STK3: variants seen among roughly 807,000 people sequenced by gnomAD.
STK3 encodes serine/threonine-protein kinase 3.
Under a neutral mutation model 58.0 loss-of-function variants are expected in STK3, and 41 were observed. That is an observed-to-expected ratio of 0.71 (90% confidence interval 0.55 to 0.92). STK3 has a LOEUF of 0.92. Among genes scored for constraint, STK3 ranks in the 40% least tolerant of loss-of-function variants. The pLI, the probability that STK3 is intolerant of heterozygous loss-of-function variation, is 0.00. For missense variants in STK3, 479 were observed against 602.7 expected, an observed-to-expected ratio of 0.79 and a Z score of 2.15; for synonymous variants, 170 against 191.0, an observed-to-expected ratio of 0.89 and a Z score of 0.91.
intron 10 of STK3, among the ~76,000 whole-genome samples, chr8:98,491,978 C>T (rs1323835562): frequency 1.3e-5 from 2 of 152,076 alleles, no homozygotes; most frequent in East Asian, 1.9e-4. Flanking sequence ...CTCAAATGTA[C>T]ACCAGAAATA....
chr8:98,483,629 T>A (rs1274437534), intron 10 of STK3, among the ~76,000 whole-genome samples: 2 of 152,222 alleles, frequency 1.3e-5, no homozygotes, highest in Non-Finnish European at 1.5e-5. Context: ...ACAATCTGTC[T>A]GGCAGTTGGA....
At chr8:98,821,776 A>G (rs1265165570) in intron 1 of STK3, among the ~76,000 whole-genome samples, 1 of 152,198 alleles carries the variant, frequency 6.6e-6, no homozygotes, top group Non-Finnish European at 1.5e-5. Flanking sequence ...AGTTGGTGAC[A>G]TGGGTGACCA....
chr8:98,871,188 G>C (rs1564074017), intron 3 of STK3, among the ~76,000 whole-genome samples: 2 of 152,208 alleles, frequency 1.3e-5, no homozygotes, highest in East Asian at 3.9e-4. Context: ...GCTCTATTCT[G>C]TTCCATTGGT....
intron 3 of STK3, among the ~76,000 whole-genome samples, chr8:98,868,937 A>G (rs1837246835): frequency 1.3e-5 from 2 of 151,760 alleles, no homozygotes; most frequent in South Asian, 4.2e-4. Flanking sequence ...TGATCATGCC[A>G]TTGCACTCCA....
chr8:98,701,694 T>A lies in STK3; in HGVS notation c.684+4773A>T, dbSNP rs200932666. Among the ~76,000 whole-genome samples the A allele has an allele frequency of 1.2e-4, 18 of 149,492 alleles. No homozygotes were observed. The East Asian group carries it at 2.0e-3, about 16-fold the overall frequency. On this transcript the variant is annotated intron_variant, in intron 6 of 10. Transcript: ENST00000419617. ...CACACACACACTCACACACACACAC[T>A]CTCTCTCTCTCACACTCACTTCCTA... is the stretch of plus-strand genomic sequence containing the variant.
At chr8:98,848,951 G>A (rs917495381) in intron 3 of STK3, among the ~76,000 whole-genome samples, 6 of 152,128 alleles carry the variant, frequency 3.9e-5, no homozygotes, top group African/African-American at 1.4e-4. Context: ...AAGCAGCCAG[G>A]CACAGTGGTT....
chr8:98,825,149 G>GAGGGGGA (rs1298767364), intron 1 of STK3, among the ~76,000 whole-genome samples: 1 of 152,190 alleles, frequency 6.6e-6, no homozygotes, highest in East Asian at 1.9e-4. Context: ...TTTTGAACTT[G>GAGGGGGA]AGGGGGAAGG....
At chr8:98,896,093 A>C (rs1041456712) in intron 1 of STK3, among the ~76,000 whole-genome samples, 6 of 152,086 alleles carry the variant, frequency 3.9e-5, no homozygotes, top group African/African-American at 1.4e-4. Context: ...CTGCCCCTGA[A>C]ATAGTTCTTT....
chr8:98,760,707 G>C (rs1342731853), intron 3 of STK3, among the ~76,000 whole-genome samples: 1 of 141,204 alleles, frequency 7.1e-6, no homozygotes, highest in East Asian at 2.2e-4. Context: ...TCTTGTTCTC[G>C]TTTTCTTTTT....
chr8:98,442,746 C>T (rs1818743166), intron 1 of STK3, among the ~76,000 whole-genome samples: 1 of 152,150 alleles, frequency 6.6e-6, no homozygotes, highest in African/African-American at 2.4e-5. Context: ...AAATAAAGAA[C>T]TAGAACTGGT....
chr8:98,606,003 G>A (rs1327858435), intron 6 of STK3, among the ~76,000 whole-genome samples: 8 of 152,162 alleles, frequency 5.3e-5, no homozygotes, highest in Admixed American at 1.3e-4. Context: ...TGAGGCAGTC[G>A]GATCACCTGA....
chr8:98,652,321 C>G (rs1342920938), intron 6 of STK3, among the ~76,000 whole-genome samples: 5 of 152,182 alleles, frequency 3.3e-5, no homozygotes, highest in Non-Finnish European at 1.5e-5. Context: ...TAAAAGAGCT[C>G]CTGAAGGAAG....
intron 8 of STK3, among the ~76,000 whole-genome samples, chr8:98,560,469 C>A (rs1811925041): frequency 6.6e-6 from 1 of 151,618 alleles, no homozygotes; most frequent in Non-Finnish European, 1.5e-5. Context: ...AGAAAAAAAA[C>A]CCACTTAGGT....
chr8:98,812,770 G>A (rs1587685927), intron 1 of STK3, among the ~76,000 whole-genome samples: 1 of 152,162 alleles, frequency 6.6e-6, no homozygotes, highest in Non-Finnish European at 1.5e-5. Flanking sequence ...ACCATTCTGA[G>A]CAAACTATCA....
chr8:98,772,582 C>T (rs1831385492), intron 2 of STK3, among the ~76,000 whole-genome samples: 1 of 151,998 alleles, frequency 6.6e-6, no homozygotes, highest in African/African-American at 2.4e-5. Context: ...ACCTGTAATC[C>T]CAGCTACTCG....
intron 7 of STK3, among the ~76,000 whole-genome samples, chr8:98,587,967 C>G (rs1814819130): frequency 6.6e-6 from 1 of 152,146 alleles, no homozygotes; most frequent in South Asian, 2.1e-4. Flanking sequence ...TTTCCTCCAT[C>G]CTTGTATTTT....
In STK3 at chr8:98,914,809, T is replaced by C. The variant is rs776128723; in HGVS notation, c.-79+27569A>G. Among the ~76,000 whole-genome samples, 8 of 152,176 alleles carry C rather than the reference T, an allele frequency of 5.3e-5. No homozygotes were observed. The East Asian group carries it at 1.2e-3, about 22-fold the overall frequency. On this transcript the variant is annotated intron_variant, in intron 1 of 1. Coordinates refer to the STK3 transcript ENST00000519420. ...CACAAGGACAATAAACAGTGGTTGA[T>C]TGAAGGAAAAATTCCTGAAAAATTG...
At chr8:98,666,399 T>C (rs1424811556) in intron 6 of STK3, among the ~76,000 whole-genome samples, 1 of 152,214 alleles carries the variant, frequency 6.6e-6, no homozygotes, top group Non-Finnish European at 1.5e-5. Flanking sequence ...GAATATTACT[T>C]GTAATAGATG....
chr8:98,531,447 T>C (rs1026511123), intron 9 of STK3, among the ~76,000 whole-genome samples: 6 of 152,210 alleles, frequency 3.9e-5, no homozygotes, highest in African/African-American at 1.4e-4. Context: ...GCTTAAAATA[T>C]TCAGCAAACC....
Sources: allele counts gnomAD v4.1 joint callset (sites outside exome capture counted in the v4.1 genomes callset), GRCh38; gene constraint gnomAD v4.1.1; transcripts MANE v1.5; gene names NCBI Gene and HGNC (gene_info 2026-07-23, HGNC 2026-07-21).